Variants in NMNAT2 observed in about 807,000 individuals in gnomAD.
NMNAT2 encodes nicotinamide/nicotinic acid mononucleotide adenylyltransferase 2.
Under a neutral mutation model 41.6 loss-of-function variants are expected in NMNAT2, and 11 were observed. That is an observed-to-expected ratio of 0.26 (90% CI 0.17 to 0.44). The LOEUF is 0.44. Ranked by LOEUF, NMNAT2 falls within the 20% of genes least tolerant of loss-of-function variation. NMNAT2 has a pLI of 1.00. For synonymous variants in NMNAT2, 148 were observed against 151.2 expected (o/e 0.98, Z 0.16); for missense variants, 288 against 407.7 (o/e 0.71, Z 2.53).
At chr1:183,376,572 A>T (rs2788057) in intron 1 of NMNAT2, among the ~76,000 whole-genome samples, 77,797 of 152,032 alleles carry the variant, frequency 0.51, 21,158 homozygotes, top group East Asian at 0.65. Flanking sequence ...CCATGATGCG[A>T]TGACAGGTGA....
chr1:183,255,062 G>A (rs1203882191), intron 10 of NMNAT2, among the ~76,000 whole-genome samples: 1 of 152,126 alleles, frequency 6.6e-6, no homozygotes, highest in East Asian at 1.9e-4. Context: ...CTTACACTTA[G>A]GTTCTTTATC....
intron 8 of NMNAT2, among the ~76,000 whole-genome samples, chr1:183,272,259 G>C (rs1661004336): frequency 6.6e-6 from 1 of 152,186 alleles, no homozygotes; most frequent in East Asian, 1.9e-4. Context: ...CATTGATGCT[G>C]GTGTCAGGAT....
At chr1:183,379,099 A>G (rs1032987352) in intron 1 of NMNAT2, among the ~76,000 whole-genome samples, 1 of 113,762 alleles carries the variant, frequency 8.8e-6, no homozygotes, top group Admixed American at 8.3e-5. Flanking sequence ...TATAATCTAT[A>G]ATCTATATCT....
At chr1:183,368,380 G>A (rs1663459500) in intron 1 of NMNAT2, among the ~76,000 whole-genome samples, 1 of 152,190 alleles carries the variant, frequency 6.6e-6, no homozygotes, top group African/African-American at 2.4e-5. Flanking sequence ...GGACAGAGAA[G>A]TCTTTTCTCT....
At chr1:183,299,618 C>T (rs1301867552) in intron 1 of NMNAT2, among the ~76,000 whole-genome samples, 2 of 149,460 alleles carry the variant, frequency 1.3e-5, no homozygotes, top group African/African-American at 4.9e-5. Context: ...GAGTTCATGA[C>T]CAACATGGGC....
intron 5 of NMNAT2, among the ~76,000 whole-genome samples, chr1:183,285,686 G>T (rs1661382502): frequency 6.6e-6 from 1 of 152,224 alleles, no homozygotes. Context: ...GAGCCTGACA[G>T]TACTGAATAT....
chr1:183,283,657 A>G, intron 7 of NMNAT2: 1 of 367,494 alleles, frequency 2.7e-6, no homozygotes, highest in Non-Finnish European at 5.3e-6. Flanking sequence ...CTTCTGCCTC[A>G]TTTGTGTGCA....
intron 10 of NMNAT2, among the ~76,000 whole-genome samples, chr1:183,258,439 A>G (rs1026337310): frequency 2.6e-5 from 4 of 152,156 alleles, no homozygotes; most frequent in African/African-American, 4.8e-5. Context: ...TCTTGCTTCT[A>G]ACCTCCAAGC....
intron 1 of NMNAT2, among the ~76,000 whole-genome samples, chr1:183,351,470 G>A (rs562061250): frequency 2.6e-5 from 4 of 152,258 alleles, no homozygotes; most frequent in South Asian, 4.1e-4. Context: ...AACCCTCCTC[G>A]CCTGCAGAAC....
intron 3 of NMNAT2, chr1:183,290,486 G>T: frequency 2.9e-6 from 1 of 345,310 alleles, no homozygotes; most frequent in South Asian, 6.2e-5. Context: ...GTGTGGCTTT[G>T]GGAAAGTTAT....
At chr1:183,288,926 C>T (rs541456456) in intron 4 of NMNAT2, among the ~76,000 whole-genome samples, 8 of 152,324 alleles carry the variant, frequency 5.3e-5, no homozygotes, top group African/African-American at 1.9e-4. Flanking sequence ...GAGAAGGGTT[C>T]TGAAAGCTGA....
chr1:183,293,762 T>C lies in NMNAT2; in HGVS notation c.117A>G (p.Gly39=), dbSNP rs1661607373. Residue 39 remains glycine, a synonymous_variant, in exon 2 of 11, where the codon GGA becomes GGG. Transcript: ENST00000287713. The stretch of plus-strand genomic sequence containing the variant: ...CAATCCCGCCAATCACAATAAACCT[T>C]CCAGTTTTGTGCAGATAATCCCTGG... ...ERARDYLHKT[G]RFIVIGGIVS... is the part of the protein sequence containing the mutation. The C allele has an allele frequency of 1.2e-6, 2 of 1,613,904 alleles. No homozygotes were observed. Among genetic ancestry groups the C allele is most frequent in the East Asian group, 2.2e-5 (1 of 44,894 alleles).
chr1:183,395,690 T>C (rs1182217835), intron 1 of NMNAT2, among the ~76,000 whole-genome samples: 5 of 152,148 alleles, frequency 3.3e-5, no homozygotes, highest in African/African-American at 1.2e-4. Context: ...CCTTACCATA[T>C]GGTCACATTA....
At chr1:183,314,850 G>A (rs1205464169) in intron 1 of NMNAT2, among the ~76,000 whole-genome samples, 1 of 152,152 alleles carries the variant, frequency 6.6e-6, no homozygotes, top group Non-Finnish European at 1.5e-5. Context: ...CTGCACTCAG[G>A]CCTGGGCAAC....
chr1:183,344,301 C>T (rs995826760), intron 1 of NMNAT2, among the ~76,000 whole-genome samples: 3 of 152,144 alleles, frequency 2.0e-5, no homozygotes, highest in Non-Finnish European at 2.9e-5. Context: ...GGTGAAGTAG[C>T]CTGTCCCAGG....
intron 1 of NMNAT2, among the ~76,000 whole-genome samples, chr1:183,385,623 C>A (rs1258360484): frequency 6.6e-6 from 1 of 151,714 alleles, no homozygotes; most frequent in East Asian, 1.9e-4. Flanking sequence ...CCAGAAAATC[C>A]TCCACATTTA....
intron 8 of NMNAT2, among the ~76,000 whole-genome samples, chr1:183,276,431 G>A (rs1203773797): frequency 6.6e-6 from 1 of 152,210 alleles, no homozygotes; most frequent in African/African-American, 2.4e-5. Flanking sequence ...ACCAAGACCA[G>A]CCATTTTGGA....
At chr1:183,412,070 G>C (rs958383707) in intron 1 of NMNAT2, among the ~76,000 whole-genome samples, 3 of 152,196 alleles carry the variant, frequency 2.0e-5, no homozygotes, top group African/African-American at 7.2e-5. Flanking sequence ...GGGTGGAGGT[G>C]GGGGGCAGAG....
At chr1:183,261,159 G>T (rs768596322) in intron 9 of NMNAT2, 43 bp downstream of exon 9, 1 of 1,605,702 alleles carries the variant, frequency 6.2e-7, no homozygotes, top group Non-Finnish European at 8.5e-7. Flanking sequence ...GACTCTCAGA[G>T]AAGGGCCATA....
Sources: gnomAD v4.1 joint callset for allele counts (sites outside exome capture counted in the v4.1 genomes callset) on GRCh38, gnomAD v4.1.1 for gene constraint, MANE v1.5 for transcripts, NCBI Gene and HGNC (gene_info 2026-07-23, HGNC 2026-07-21) for gene names.